CFAP54: variants seen among roughly 807,000 people sequenced by gnomAD.
CFAP54 encodes the protein cilia and flagella associated protein 54, also known as cilia- and flagella-associated protein 54.
CFAP54 carries 290 observed loss-of-function variants against 370.4 expected under a neutral mutation model. The observed-to-expected ratio is 0.78, with a 90% CI of 0.71 to 0.86. CFAP54 has a LOEUF of 0.86. Among genes scored for constraint, CFAP54 ranks in the 40% least tolerant of loss-of-function variants. CFAP54 has a pLI of 0.00. For missense variants in CFAP54, 3,399 were observed against 3,528.7 expected, an observed-to-expected ratio of 0.96 and a Z score of 0.93; for synonymous variants, 1,206 against 1,236.5, an observed-to-expected ratio of 0.98 and a Z score of 0.52.
chr12:96,621,535 C>T, intron 26 of CFAP54, 55 bp from the exon 27 acceptor site: 1 of 1,239,292 alleles, frequency 8.1e-7, no homozygotes, highest in Non-Finnish European at 1.1e-6. Flanking sequence ...ATGCATTATA[C>T]TTGAAAATAG....
At chr12:96,794,162 T>A (rs1389134505) in intron 63 of CFAP54, among the ~76,000 whole-genome samples, 4 of 152,204 alleles carry the variant, frequency 2.6e-5, no homozygotes, top group African/African-American at 9.6e-5. Flanking sequence ...GTGTCACAGC[T>A]CTTAAGATTC....
intron 26 of CFAP54, among the ~76,000 whole-genome samples, chr12:96,618,938 C>G (rs894961289): frequency 6.6e-6 from 1 of 152,136 alleles, no homozygotes; most frequent in Non-Finnish European, 1.5e-5. Context: ...GATCTCAGCT[C>G]ACTGCAATCT....
chr12:96,548,586 A>G (rs1164013712), intron 15 of CFAP54, among the ~76,000 whole-genome samples: 1 of 152,212 alleles, frequency 6.6e-6, no homozygotes, highest in African/African-American at 2.4e-5. Context: ...CCTCAAATGC[A>G]CGTTCCTCTT....
intron 65 of CFAP54, among the ~76,000 whole-genome samples, chr12:96,821,017 C>T (rs1049387866): frequency 6.6e-6 from 1 of 152,132 alleles, no homozygotes; most frequent in Non-Finnish European, 1.5e-5. Context: ...GAATGAGCAT[C>T]TGTTAGAGTA....
At chr12:96,689,190 T>A (rs1367610870) in intron 43 of CFAP54, among the ~76,000 whole-genome samples, 1 of 152,088 alleles carries the variant, frequency 6.6e-6, no homozygotes, top group Non-Finnish European at 1.5e-5. Flanking sequence ...AGACGGAGTC[T>A]CACTCTGTCA....
chr12:96,536,183 T>A (rs1955500828), intron 12 of CFAP54, among the ~76,000 whole-genome samples: 1 of 152,214 alleles, frequency 6.6e-6, no homozygotes. Flanking sequence ...CACCTCCTAC[T>A]TATAAGTGAG....
At chr12:96,860,739 A>G in intron 66 of CFAP54, 80 bp from the exon 67 acceptor site, 1 of 1,328,614 alleles carries the variant, frequency 7.5e-7, no homozygotes, top group Non-Finnish European at 9.9e-7. Flanking sequence ...ATTATTAGAA[A>G]TTGCTATTTG....
At chr12:96,827,705 T>TAA (rs1959133213) in intron 65 of CFAP54, among the ~76,000 whole-genome samples, 3 of 125,362 alleles carry the variant, frequency 2.4e-5, no homozygotes, top group South Asian at 4.6e-4. Context: ...TATATTATAT[T>TAA]ATATATAATT....
intron 26 of CFAP54, among the ~76,000 whole-genome samples, chr12:96,604,050 T>G (rs1056922479): frequency 6.6e-6 from 1 of 152,234 alleles, no homozygotes. Context: ...TTTTTTGGAA[T>G]TTTTAGCCCT....
chr12:96,783,302 T>C (rs1187985690), intron 60 of CFAP54, among the ~76,000 whole-genome samples: 1 of 152,180 alleles, frequency 6.6e-6, no homozygotes, highest in Non-Finnish European at 1.5e-5. Flanking sequence ...GTACTGGGAA[T>C]TTGTAATCCA....
At chr12:96,565,818 C>T (rs1386539133) in intron 19 of CFAP54, among the ~76,000 whole-genome samples, 3 of 152,036 alleles carry the variant, frequency 2.0e-5, no homozygotes, top group Non-Finnish European at 4.4e-5. Flanking sequence ...TGAGTTGATG[C>T]CTTTTGATAT....
chr12:96,763,823 T>C (rs1022229409), intron 58 of CFAP54, among the ~76,000 whole-genome samples: 11 of 152,266 alleles, frequency 7.2e-5, no homozygotes, highest in African/African-American at 2.4e-4. Context: ...ACACAAATAA[T>C]TCAAATTCAT....
At position 96,786,740 on chromosome 12, in the gene CFAP54, T is replaced by C; in HGVS notation, c.8521T>C (p.Ser2841Pro). 1 of 1,536,004 alleles carries C rather than the reference T, an allele frequency of 6.5e-7. No individual in the cohort carries two copies. The highest frequency in any genetic ancestry group is 8.7e-7 in the Non-Finnish European group (1 of 1,146,840). ...DDTLLTSLYN[S>P]ELILRQKEVH... ...TACACTTCTCACATCCCTTTACAAC[T>C]CTGAGTTGATTTTGCGCCAGAAAGA... Residue 2841 changes from serine to proline, a missense_variant, in exon 62 of 68, where the codon TCT (serine) becomes CCT (proline). Coordinates refer to ENST00000524981, the MANE Select transcript of CFAP54 (RefSeq NM_001306084.2).
chr12:96,618,522 C>T (rs76050966), intron 26 of CFAP54, among the ~76,000 whole-genome samples: 4,518 of 152,192 alleles, frequency 0.03, 220 homozygotes, highest in African/African-American at 0.1. Context: ...AAGCACTTCC[C>T]TTAACATTTC....
intron 63 of CFAP54, among the ~76,000 whole-genome samples, chr12:96,805,459 T>C (rs992518749): frequency 6.6e-6 from 1 of 151,822 alleles, no homozygotes; most frequent in Non-Finnish European, 1.5e-5. Context: ...TATACAAGTT[T>C]TCAACAAACA....
At chr12:96,848,977 G>T (rs1407931562) in intron 66 of CFAP54, among the ~76,000 whole-genome samples, 1 of 152,132 alleles carries the variant, frequency 6.6e-6, no homozygotes, top group Non-Finnish European at 1.5e-5. Context: ...ATCATATAAA[G>T]TACAGTGAAA....
At chr12:96,804,468 A>G (rs1958856311) in intron 63 of CFAP54, among the ~76,000 whole-genome samples, 1 of 152,192 alleles carries the variant, frequency 6.6e-6, no homozygotes. Flanking sequence ...GCATTTCTAT[A>G]TACCAATAAT....
intron 39 of CFAP54, among the ~76,000 whole-genome samples, chr12:96,674,964 G>T (rs1957189083): frequency 1.3e-5 from 2 of 152,126 alleles, no homozygotes; most frequent in Non-Finnish European, 2.9e-5. Context: ...TTAAATTTTA[G>T]ACCTAAAACC....
intron 33 of CFAP54, chr12:96,647,226 T>G (rs1956804889): frequency 6.6e-6 from 1 of 151,686 alleles, no homozygotes; most frequent in African/African-American, 2.4e-5. Context: ...GTAATCCCAG[T>G]ACTTTGGGAG....
Sources: gnomAD v4.1 joint callset for allele counts (sites outside exome capture counted in the v4.1 genomes callset) on GRCh38, gnomAD v4.1.1 for gene constraint, MANE v1.5 for transcripts, NCBI Gene and HGNC (gene_info 2026-07-23, HGNC 2026-07-21) for gene names.